ASXL2: variants seen among roughly 807,000 people sequenced by gnomAD.
ASXL2 encodes putative Polycomb group protein ASXL2.
Under a neutral mutation model 122.0 loss-of-function variants are expected in ASXL2, and 23 were observed. That is an observed-to-expected ratio of 0.19 (90% confidence interval 0.14 to 0.27). ASXL2 has a LOEUF of 0.27. Among genes scored for constraint, ASXL2 ranks in the 10% least tolerant of loss-of-function variants. The pLI is 1.00. For synonymous variants in ASXL2, 650 were observed against 637.0 expected (o/e 1.02, Z -0.31); for missense variants, 1,518 against 1,713.8 (o/e 0.89, Z 2.02).
At chr2:25,802,234 T>C (rs1341572550) in intron 4 of ASXL2, among the ~76,000 whole-genome samples, 2 of 152,180 alleles carry the variant, frequency 1.3e-5, no homozygotes, top group Non-Finnish European at 2.9e-5. Flanking sequence ...TTCTTATTTC[T>C]CTATATTATC....
At chr2:25,816,184 G>C (rs2089231404) in intron 3 of ASXL2, among the ~76,000 whole-genome samples, 1 of 151,416 alleles carries the variant, frequency 6.6e-6, no homozygotes, top group Non-Finnish European at 1.5e-5. Flanking sequence ...AAGAGGCGGA[G>C]GTTTCAGTGA....
chr2:25,808,818 G>A lies in ASXL2; in HGVS notation c.144-2481C>T, dbSNP rs1313689537. 3.9e-5 allele frequency among the ~76,000 whole-genome samples: 6 copies of A among 152,190 alleles called. No individual in the cohort carries two copies. In the East Asian group the frequency reaches 7.7e-4, roughly 20 times the overall value. ...CACATCAAAGGAGTGTACATTTTAA[G>A]CCAATAAGCTGCAGGATGTACACCT... On this transcript the variant is annotated intron_variant, in intron 3 of 12. Transcript: ENST00000435504.
intron 1 of ASXL2, among the ~76,000 whole-genome samples, chr2:25,847,052 A>G (rs935115856): frequency 6.6e-6 from 1 of 152,220 alleles, no homozygotes; most frequent in African/African-American, 2.4e-5. Flanking sequence ...TGTATGTTTT[A>G]TTTTGTTGTT....
chr2:25,852,352 C>T (rs1266710004), intron 1 of ASXL2, among the ~76,000 whole-genome samples: 1 of 152,186 alleles, frequency 6.6e-6, no homozygotes, highest in Non-Finnish European at 1.5e-5. Context: ...TCGAGAATAA[C>T]TGAGTTGCCT....
chr2:25,800,594 A>C (rs1390270628), intron 4 of ASXL2, among the ~76,000 whole-genome samples: 1 of 152,232 alleles, frequency 6.6e-6, no homozygotes. Flanking sequence ...CTAATCAGAA[A>C]GGATAACTAC....
intron 1 of ASXL2, among the ~76,000 whole-genome samples, chr2:25,848,394 A>G (rs6710966): frequency 0.28 from 42,417 of 151,928 alleles, 6,237 homozygotes; most frequent in African/African-American, 0.33. Flanking sequence ...AGGCCGAGAT[A>G]GGTGGATCAC....
intron 3 of ASXL2, among the ~76,000 whole-genome samples, chr2:25,813,014 GAA>G (rs1274124607): frequency 2.1e-4 from 32 of 151,842 alleles, no homozygotes; most frequent in Non-Finnish European, 2.9e-5. Flanking sequence ...TAACAAGAAG[GAA>G]AAGAGAAACA....
chr2:25,761,760 T>C (rs1470838861), intron 8 of ASXL2, among the ~76,000 whole-genome samples: 2 of 150,224 alleles, frequency 1.3e-5, no homozygotes, highest in Non-Finnish European at 3.0e-5. Flanking sequence ...ATCTGTAAAA[T>C]GCTGACAGAA....
intron 3 of ASXL2, among the ~76,000 whole-genome samples, chr2:25,807,986 T>TAAACACACACACACACACACAC (rs368346154): frequency 7.6e-5 from 10 of 131,820 alleles, no homozygotes; most frequent in African/African-American, 2.6e-4. Flanking sequence ...AATCAGCTTT[T>TAAACACACACACACACACACAC]ACACACACAC....
At chr2:25,873,624 T>C (rs2089982141) in intron 1 of ASXL2, among the ~76,000 whole-genome samples, 1 of 151,584 alleles carries the variant, frequency 6.6e-6, no homozygotes, top group African/African-American at 2.4e-5. Context: ...AATTAACCAA[T>C]GAATAAAGTC....
At chr2:25,781,816 G>A (rs1574413548) in intron 5 of ASXL2, among the ~76,000 whole-genome samples, 2 of 151,740 alleles carry the variant, frequency 1.3e-5, no homozygotes, top group Non-Finnish European at 2.9e-5. Flanking sequence ...CTACAGGCGC[G>A]TGCCACCATG....
intron 8 of ASXL2, 79 bp from the exon 9 acceptor site, chr2:25,759,724 T>C (rs967491183): frequency 1.4e-6 from 2 of 1,413,750 alleles, no homozygotes; most frequent in Middle Eastern, 1.9e-4. Flanking sequence ...CTGTGCAGTA[T>C]AAAAAATCCA....
Position 25,739,174 on chromosome 2 carries a change from C to CT in ASXL2, c.*2854dup, listed in dbSNP as rs950188355. The CT allele has an allele frequency of 2.0e-5, 3 of 152,982 alleles. No homozygotes were observed. The highest frequency in any genetic ancestry group is 6.5e-5 in the Admixed American group (1 of 15,294). 9.5% of individuals were successfully genotyped at this position (152,982 alleles called of 1,614,324 possible). ...CGTATGCATCAGGCATAATGCCTGA[C>CT]TAGTCACTGGAAATAATGCCAGGTC... On this transcript the variant is annotated 3_prime_UTR_variant, in exon 13 of 13. Coordinates refer to ENST00000435504, the MANE Select transcript of ASXL2 (RefSeq NM_018263.6).
In ASXL2 at chr2:25,822,885, G is replaced by C. The variant is rs1158805402; in HGVS notation, c.143+12653C>G. ...TGGTGAAGAGGATGCAGATTGACCA[G>C]AAGTAGATGGAGCAGGTGATGATTC... On this transcript the variant is annotated intron_variant, in intron 3 of 12. Transcript: ENST00000435504. 5 of 548,072 alleles carry C rather than the reference G, an allele frequency of 9.1e-6. No individual in the cohort carries two copies. The African/African-American group carries it at 9.6e-5, about 10-fold the overall frequency. 34.0% of individuals were successfully genotyped at this position (548,072 alleles called of 1,614,324 possible).
intron 3 of ASXL2, chr2:25,809,993 A>C: frequency 1.9e-6 from 1 of 534,416 alleles, no homozygotes; most frequent in East Asian, 5.1e-5. Flanking sequence ...TCTTTGGTAC[A>C]TTTTCAGTTT....
intron 1 of ASXL2, among the ~76,000 whole-genome samples, chr2:25,853,302 A>G (rs151330080): frequency 4.0e-4 from 61 of 152,268 alleles, no homozygotes; most frequent in African/African-American, 1.4e-3. Flanking sequence ...TGGTATTTAG[A>G]CAGAAATGTG....
At chr2:25,785,708 G>A (rs2088733735) in intron 5 of ASXL2, among the ~76,000 whole-genome samples, 1 of 151,802 alleles carries the variant, frequency 6.6e-6, no homozygotes, top group African/African-American at 2.4e-5. Flanking sequence ...CACCACGCCT[G>A]GCTCACTTTT....
chr2:25,756,465 G>GAAAAAAAAAAGAAAAAAAAAAAAAAAA (rs2088137252), intron 9 of ASXL2, among the ~76,000 whole-genome samples: 1 of 91,412 alleles, frequency 1.1e-5, no homozygotes, highest in Non-Finnish European at 2.3e-5. Flanking sequence ...AAAAAAAAAA[G>GAAAAAAAAAAGAAAAAAAAAAAAAAAA]AAAAAAAAAA....
chr2:25,767,491 TA>T, intron 8 of ASXL2, 91 bp downstream of exon 8: 1 of 1,377,186 alleles, frequency 7.3e-7, no homozygotes, highest in Non-Finnish European at 9.9e-7. Flanking sequence ...AAATCTAAGT[TA>T]TAAGTACCTA....
Sources: gnomAD v4.1 joint callset for allele counts (sites outside exome capture counted in the v4.1 genomes callset) on GRCh38, gnomAD v4.1.1 for gene constraint, MANE v1.5 for transcripts, NCBI Gene and HGNC (gene_info 2026-07-23, HGNC 2026-07-21) for gene names.